DCAF13: variants seen among roughly 807,000 people sequenced by gnomAD.
DCAF13 encodes DDB1 and CUL4 associated factor 13.
In DCAF13, 38 loss-of-function variants were observed where a neutral mutation model predicts 59.0. The observed-to-expected ratio is 0.64, with a 90% CI of 0.50 to 0.84. DCAF13 has a LOEUF of 0.84. DCAF13 is among the 40% of genes least tolerant of loss of function. DCAF13 has a pLI of 0.00. For synonymous variants in DCAF13, 173 were observed against 175.0 expected (o/e 0.99, Z 0.09); for missense variants, 469 against 558.4 (o/e 0.84, Z 1.61).
intron 9 of DCAF13, 42 bp downstream of exon 9, chr8:103,440,313 C>T: frequency 6.8e-7 from 1 of 1,473,518 alleles, no homozygotes; most frequent in East Asian, 2.5e-5. Context: ...AAGCTGATTT[C>T]TAATTTTATT....
At chr8:103,433,462 G>T (rs1816892699) in intron 7 of DCAF13, among the ~76,000 whole-genome samples, 1 of 151,900 alleles carries the variant, frequency 6.6e-6, no homozygotes, top group Admixed American at 6.6e-5. Context: ...TTATTATAGC[G>T]CTATGCCTTT....
At chr8:103,433,772 A>C (rs1816897320) in intron 7 of DCAF13, among the ~76,000 whole-genome samples, 1 of 152,074 alleles carries the variant, frequency 6.6e-6, no homozygotes, top group Admixed American at 6.6e-5. Context: ...AAAAAATAAA[A>C]GAAGCTCAGT....
intron 7 of DCAF13, among the ~76,000 whole-genome samples, chr8:103,434,579 C>CT (rs1169919383): frequency 1.3e-5 from 2 of 151,958 alleles, no homozygotes; most frequent in South Asian, 2.1e-4. Flanking sequence ...TAAAGAGTTA[C>CT]TTTTTTTTCC....
chr8:103,442,606 T>C (rs1817025932), intron 10 of DCAF13, 189 bp from the exon 11 acceptor site: 2 of 435,272 alleles, frequency 4.6e-6, no homozygotes, highest in Non-Finnish European at 8.2e-6. Flanking sequence ...TAGGTAAATA[T>C]GATAAGAAGC....
intron 3 of DCAF13, chr8:103,421,320 G>A (rs72675463): frequency 9.4e-4 from 558 of 593,752 alleles, no homozygotes; most frequent in Middle Eastern, 2.1e-3. Context: ...TTAATGAGAG[G>A]TAAGTCTAGA....
chr8:103,427,573 A>G, intron 5 of DCAF13: 1 of 317,238 alleles, frequency 3.2e-6, no homozygotes, highest in East Asian at 5.7e-5. Flanking sequence ...TCCATAGATT[A>G]TGTCATTGTA....
At position 103,432,702 on chromosome 8, in the gene DCAF13, T is replaced by C. The variant is rs1816883038; in HGVS notation, c.746T>C (p.Met249Thr). 1 of 1,606,692 alleles carries C rather than the reference T, an allele frequency of 6.2e-7. No homozygotes were observed. The highest frequency in any genetic ancestry group is 8.5e-7 in the Non-Finnish European group (1 of 1,174,398). Residue 249 changes from methionine (M) to threonine (T), a missense_variant, in exon 7 of 11, where the codon ATG (methionine) becomes ACG (threonine). Met to Thr is a moderately conservative substitution (Grantham distance 81). Around this residue, in one of 3 missense-constraint regions of DCAF13, gnomAD observed 355 missense variants for 399.1 expected, o/e 0.89. Transcript: ENST00000612750. ...MRTNTICWNP[M>T]EAFIFTAANE... is the part of the protein sequence containing the mutation. Reference sequence around the variant, plus strand: ...ACAAATACAATCTGTTGGAACCCTATGGAAGCTTTCATTTTTACAGCAGCA... The same window carrying C: ...ACAAATACAATCTGTTGGAACCCTACGGAAGCTTTCATTTTTACAGCAGCA...
At chr8:103,434,893 A>G (rs1180442478) in intron 7 of DCAF13, among the ~76,000 whole-genome samples, 2 of 152,068 alleles carry the variant, frequency 1.3e-5, no homozygotes, top group Non-Finnish European at 2.9e-5. Context: ...ACTCTTACAT[A>G]TCACCAGTAG....
chr8:103,426,463 G>T (rs1167829047), intron 4 of DCAF13, among the ~76,000 whole-genome samples: 1 of 151,824 alleles, frequency 6.6e-6, no homozygotes, highest in Non-Finnish European at 1.5e-5. Context: ...GCTTCAGCTT[G>T]TCTAGTTGAT....
intron 9 of DCAF13, 65 bp from the exon 10 acceptor site, chr8:103,441,390 T>C: frequency 6.8e-7 from 1 of 1,466,484 alleles, no homozygotes; most frequent in Non-Finnish European, 9.1e-7. Context: ...GGGTGCTTTC[T>C]AGCTTTTTTA....
Position 103,420,437 on chromosome 8 carries a change from G to C in DCAF13, c.244G>C (p.Val82Leu), listed in dbSNP as rs1254085932. Reference protein sequence around the residue: ...LAKHPEKLATVLSGACDGEVR... With the variant: ...LAKHPEKLATLLSGACDGEVR... ...AAAGCATCCAGAGAAGCTGGCTACT[G>C]TCCTTTCTGGGGCGTGTGATGGAGA... The change falls in exon 2 of 11, where the codon GTC becomes CTC. Residue 82 changes from valine to leucine, a missense_variant. By Grantham distance (32) the Val-to-Leu change is conservative (BLOSUM62 1). Transcript: ENST00000612750. 2 of 1,613,878 alleles carry C rather than the reference G, an allele frequency of 1.2e-6. No individual in the cohort carries two copies. The highest frequency in any genetic ancestry group is 1.7e-5 in the Admixed American group (1 of 60,000).
At position 103,432,715 on chromosome 8, in the gene DCAF13, T is replaced by C. The variant is rs1458699326; in HGVS notation, c.759T>C (p.Ile253=). ...GTTGGAACCCTATGGAAGCTTTCATTTTTACAGCAGCAAATGAAGATTATA... is the reference window on the plus strand; with the variant it reads ...GTTGGAACCCTATGGAAGCTTTCATCTTTACAGCAGCAAATGAAGATTATA... The part of the protein sequence containing the change: ...TICWNPMEAF[I]FTAANEDYNL... Residue 253 remains isoleucine, a synonymous_variant, in exon 7 of 11, where the codon ATT becomes ATC. Transcript: ENST00000612750. The C allele has an allele frequency of 6.2e-7, 1 of 1,603,676 alleles. No homozygotes were observed. The highest frequency in any genetic ancestry group is 1.7e-5 in the Admixed American group (1 of 59,914).
intron 7 of DCAF13, among the ~76,000 whole-genome samples, chr8:103,432,966 G>A (rs571737594): frequency 2.0e-5 from 3 of 152,220 alleles, no homozygotes; most frequent in Admixed American, 6.5e-5. Context: ...TAAACAACTC[G>A]TGGACCAAAT....
intron 1 of DCAF13, among the ~76,000 whole-genome samples, chr8:103,415,944 G>A (rs1362036638): frequency 1.3e-5 from 2 of 152,206 alleles, no homozygotes; most frequent in African/African-American, 4.8e-5. Context: ...AAGAGACAAA[G>A]ATGAATTTAA....
At chr8:103,421,211 T>A in intron 3 of DCAF13, 129 bp downstream of exon 3, 1 of 711,762 alleles carries the variant, frequency 1.4e-6, no homozygotes, top group Non-Finnish European at 2.5e-6. Context: ...GCAAAATAGC[T>A]TATTAAACCT....
chr8:103,424,718 C>G (rs369823237), intron 3 of DCAF13, among the ~76,000 whole-genome samples: 1 of 152,176 alleles, frequency 6.6e-6, no homozygotes, highest in East Asian at 1.9e-4. Context: ...ATAGCGTCTT[C>G]AGGAACGGGG....
chr8:103,438,318 T>A (rs1297290814), intron 8 of DCAF13, among the ~76,000 whole-genome samples: 3 of 152,124 alleles, frequency 2.0e-5, no homozygotes, highest in Non-Finnish European at 2.9e-5. Flanking sequence ...TTTTTAATCA[T>A]CCCCTCTCTT....
chr8:103,422,701 A>G (rs548869557), intron 3 of DCAF13, among the ~76,000 whole-genome samples: 1 of 152,354 alleles, frequency 6.6e-6, no homozygotes, highest in South Asian at 2.1e-4. Context: ...ACCTACCTAT[A>G]CAACAGTTTT....
At position 103,443,023 on chromosome 8, in the gene DCAF13, C is replaced by A; in HGVS notation, c.*141C>A. The A allele has an allele frequency of 1.9e-6, 1 of 518,512 alleles. No homozygotes were observed. The highest frequency in any genetic ancestry group is 3.3e-6 in the Non-Finnish European group (1 of 301,300). 32.1% of individuals were successfully genotyped at this position (518,512 alleles called of 1,614,324 possible). ...CTTTATTGTTACTCCTTTTAGCTAC[C>A]CTGAAAAATGATCCTTAAAGGTGGC... is the stretch of plus-strand genomic sequence containing the variant. On this transcript the variant is annotated 3_prime_UTR_variant, in exon 11 of 11. Coordinates refer to ENST00000612750, the MANE Select transcript of DCAF13 (RefSeq NM_015420.7).
Sources: allele counts gnomAD v4.1 joint callset (sites outside exome capture counted in the v4.1 genomes callset), GRCh38; gene constraint gnomAD v4.1.1; regional missense constraint gnomAD v4.1.1; transcripts MANE v1.5; gene names NCBI Gene and HGNC (gene_info 2026-07-23, HGNC 2026-07-21).